FKBP11: variants seen among roughly 807,000 people sequenced by gnomAD.
FKBP11 encodes FKBP prolyl isomerase 11.
FKBP11 carries 21 observed loss-of-function variants against 24.7 expected under a neutral mutation model. The ratio of observed to expected loss-of-function variants is 0.85; its 90% CI spans 0.60 to 1.23. The LOEUF (loss-of-function observed/expected upper bound fraction) is 1.23. Among genes scored for constraint, FKBP11 ranks in the 50% most tolerant of loss-of-function variants. The pLI, the probability that FKBP11 is intolerant of heterozygous loss-of-function variation, is 0.00. For missense variants in FKBP11, 245 were observed against 248.7 expected (o/e 0.99, Z 0.10); for synonymous variants, 106 against 100.6 (o/e 1.05, Z -0.32).
intron 2 of FKBP11, 119 bp downstream of exon 2, chr12:48,924,927 C>A: frequency 6.9e-7 from 1 of 1,442,088 alleles, no homozygotes. Flanking sequence ...TGCTCGACGA[C>A]CCCAGAGCCC....
chr12:48,928,094 G>C (rs966873608), upstream of FKBP11, among the ~76,000 whole-genome samples: 1 of 133,450 alleles, frequency 7.5e-6, no homozygotes, highest in East Asian at 2.2e-4. Flanking sequence ...ATCCAGGCTG[G>C]AGTATAGTTG....
At chr12:48,929,122 C>A (rs563800528), upstream of FKBP11, among the ~76,000 whole-genome samples, 1 of 151,478 alleles carries the variant, frequency 6.6e-6, no homozygotes, top group South Asian at 2.1e-4. Context: ...CCACCGCGCC[C>A]GGCCTTTAAA....
chr12:48,925,305 T>C lies in FKBP11; in HGVS notation c.124A>G (p.Thr42Ala). Residue 42 changes from threonine to alanine, a missense_variant, in exon 1 of 6, where the codon ACC (threonine) becomes GCC (alanine). By Grantham distance (58) the Thr-to-Ala change is moderately conservative. Transcript: ENST00000550765. The part of the protein sequence containing the change: ...ESPVRTLQVE[T>A]LVEPPEPCAE... ...GGTCGGGACTATCTCCTCACCAGGG[T>C]CTCCACTTGGAGGGTCCGGACGGGA... 1 of 1,612,058 alleles carries C rather than the reference T, an allele frequency of 6.2e-7. No individual in the cohort carries two copies. Among genetic ancestry groups the C allele is most frequent in the Non-Finnish European group, 8.5e-7 (1 of 1,179,492 alleles).
the FKBP11 span, chr12:48,938,463 T>A: frequency 2.2e-6 from 1 of 447,308 alleles, no homozygotes; most frequent in Non-Finnish European, 4.5e-6. Flanking sequence ...TATCTCTCTA[T>A]ACATGTATAT....
chr12:48,922,566 G>C (rs563300965), intron 5 of FKBP11: 41 of 1,008,482 alleles, frequency 4.1e-5, no homozygotes, highest in Non-Finnish European at 4.0e-5. Context: ...AGTCTTTGCA[G>C]GGCTGAAATT....
chr12:48,931,633 C>T, the FKBP11 span: 1 of 640,670 alleles, frequency 1.6e-6, no homozygotes, highest in South Asian at 2.0e-5. Flanking sequence ...GAAACCCTAC[C>T]ACAGTACCTG....
intron 5 of FKBP11, chr12:48,922,987 A>G (rs772586356): frequency 1.5e-5 from 12 of 780,902 alleles, no homozygotes; most frequent in South Asian, 1.1e-4. Context: ...CATCTCTACT[A>G]AAAGTATAAA....
At chr12:48,925,848 G>T (rs969688794), upstream of FKBP11, 7 of 170,070 alleles carry the variant, frequency 4.1e-5, no homozygotes, top group South Asian at 1.1e-3. Context: ...AGGCTAGGTG[G>T]TGACAGAGAC....
rs1052647853 is a variant in FKBP11, at chr12:48,924,560, C to G, written c.283+1G>C. The stretch of plus-strand genomic sequence containing the variant: ...TGGAATGGGAGGCACAGGTCACATA[C>G]CTGGAATCACCTGCTTTTGGCCAAG... On this transcript the variant is annotated splice_donor_variant, in intron 3 of 5. Coordinates refer to ENST00000550765, the MANE Select transcript of FKBP11 (RefSeq NM_016594.3). LOFTEE classifies it high-confidence loss of function. 6.2e-7 allele frequency: 1 copy of G among 1,613,584 alleles called. No individual in the cohort carries two copies. Among genetic ancestry groups the G allele is most frequent in the South Asian group, 1.1e-5 (1 of 91,060 alleles).
At chr12:48,926,224 C>CTTTTTTTTTTTTT (rs34896547), upstream of FKBP11, 1 of 85,788 alleles carries the variant, frequency 1.2e-5, no homozygotes, top group Non-Finnish European at 2.1e-5. Context: ...AAAGACTTCA[C>CTTTTTTTTTTTTT]TTTTTTTTTT....
At chr12:48,929,465 C>T (rs1437209101), upstream of FKBP11, among the ~76,000 whole-genome samples, 1 of 152,024 alleles carries the variant, frequency 6.6e-6, no homozygotes. Context: ...AGCCCCTGAT[C>T]CCTAGCCTCT....
chr12:48,928,161 C>T (rs1349602432), upstream of FKBP11, among the ~76,000 whole-genome samples: 2 of 145,768 alleles, frequency 1.4e-5, no homozygotes, highest in African/African-American at 5.1e-5. Flanking sequence ...TTTCCTGCCT[C>T]AGCCTCCCAA....
chr12:48,925,593 C>A (rs1412580320), upstream of FKBP11: 5 of 911,468 alleles, frequency 5.5e-6, no homozygotes, highest in Non-Finnish European at 8.1e-6. Context: ...TCCCCACCTC[C>A]GAAAGGGAGG....
rs2137553916 is a variant in FKBP11 at position 48,923,257 on chromosome 12, T to C, written c.388+525A>G. On this transcript the variant is annotated intron_variant, in intron 5 of 5. Coordinates refer to ENST00000550765, the MANE Select transcript of FKBP11 (RefSeq NM_016594.3). ...CAAAAGATATGCATCTTGGGAAATC[T>C]GTCCATCTCAACCCTTCAAAAATAG... The C allele has an allele frequency of 2.2e-6, 3 of 1,362,808 alleles. No homozygotes were observed. In the East Asian group the frequency reaches 8.5e-5, roughly 39 times the overall value. The allele number at this position is 1,362,808 out of a possible 1,614,324, so 84.4% of individuals were successfully genotyped here.
At position 48,922,210 on chromosome 12, in the gene FKBP11, G is replaced by A; in HGVS notation, c.389-9C>T. On this transcript the variant is annotated splice_polypyrimidine_tract_variant and intron_variant, in intron 5 of 5. Coordinates refer to ENST00000550765, the MANE Select transcript of FKBP11 (RefSeq NM_016594.3). ...CTGCACCACTGCATCCGCTGGAGAGGCAGAGGGGTGGAGAGGGTTAGACTC... is the reference window on the plus strand; with the variant it reads ...CTGCACCACTGCATCCGCTGGAGAGACAGAGGGGTGGAGAGGGTTAGACTC... 1.2e-6 allele frequency: 2 copies of A among 1,608,400 alleles called. No homozygotes were observed. Among genetic ancestry groups the A allele is most frequent in the East Asian group, 2.2e-5 (1 of 44,720 alleles).
intron 5 of FKBP11, 148 bp from the exon 6 acceptor site, chr12:48,922,349 C>T (rs1565699616): frequency 1.3e-6 from 1 of 796,256 alleles, no homozygotes; most frequent in African/African-American, 1.7e-5. Flanking sequence ...TTCCTTTAGA[C>T]AAGAGTAGAG....
rs762924188 is a variant in FKBP11 at position 48,925,369 on chromosome 12, C to T, written c.60G>A (p.Ala20=). The T allele has an allele frequency of 1.9e-6, 3 of 1,604,858 alleles. No homozygotes were observed. In the African/African-American group the frequency reaches 4.0e-5, roughly 21 times the overall value. The change falls in exon 1 of 6, where the codon GCG becomes GCA. Residue 20 remains alanine (A), a synonymous_variant. Transcript: ENST00000550765. ...LHLLLLLLLS[A]AVCRAEAGLE... ...GCCCAGCCTCAGCCCGGCACACCGC[C>T]GCACTGAGCAGCAGCAGCAGCAGCA...
upstream of FKBP11, among the ~76,000 whole-genome samples, chr12:48,930,989 C>A (rs1345114240): frequency 6.6e-6 from 1 of 151,670 alleles, no homozygotes; most frequent in South Asian, 2.1e-4. Flanking sequence ...ATTAGCCAGG[C>A]GTGGTGGCGG....
At chr12:48,934,755 T>C in the FKBP11 span, among the ~76,000 whole-genome samples, 6 of 152,094 alleles carry the variant, frequency 3.9e-5, no homozygotes, top group Non-Finnish European at 7.4e-5. Flanking sequence ...GGCTCACGCC[T>C]GTAATCCTAG....
Sources: gnomAD v4.1 joint callset for allele counts (sites outside exome capture counted in the v4.1 genomes callset) on GRCh38, gnomAD v4.1.1 for gene constraint, MANE v1.5 for transcripts, NCBI Gene and HGNC (gene_info 2026-07-23, HGNC 2026-07-21) for gene names.